PEAK1: variants seen among roughly 807,000 people sequenced by gnomAD.
PEAK1 encodes the protein pseudopodium enriched atypical kinase 1.
A neutral mutation model predicts 124.7 loss-of-function variants in PEAK1; 54 were observed. The ratio of observed to expected loss-of-function variants is 0.43; its 90% confidence interval spans 0.35 to 0.54. PEAK1 has a LOEUF of 0.54. Ranked by LOEUF, PEAK1 falls within the 20% of genes least tolerant of loss-of-function variation. The probability of loss-of-function intolerance (pLI) is 0.01; values close to 1 mark genes in which losing one functional copy is unlikely to be tolerated. For synonymous variants in PEAK1, 719 were observed against 760.0 expected (o/e 0.95, Z 0.89); for missense variants, 2,046 against 2,134.5 (o/e 0.96, Z 0.82).
At chr15:77,258,380 G>A (rs1241566373) in intron 5 of PEAK1, among the ~76,000 whole-genome samples, 2 of 152,100 alleles carry the variant, frequency 1.3e-5, no homozygotes, top group African/African-American at 4.8e-5. Flanking sequence ...TCTTCCATTT[G>A]TTGGTATCCT....
At chr15:77,367,976 T>C (rs2068367904) in intron 1 of PEAK1, among the ~76,000 whole-genome samples, 1 of 152,170 alleles carries the variant, frequency 6.6e-6, no homozygotes, top group Non-Finnish European at 1.5e-5. Context: ...GTAAACCACA[T>C]CTGTTTATAA....
At chr15:77,163,680 T>C (rs56060493) in intron 7 of PEAK1, among the ~76,000 whole-genome samples, 44,908 of 152,030 alleles carry the variant, frequency 0.3, 7,229 homozygotes, top group Middle Eastern at 0.39. Flanking sequence ...TTCAATCCTA[T>C]CTTCAAATTC....
chr15:77,235,737 T>A (rs1320447629), intron 6 of PEAK1, among the ~76,000 whole-genome samples: 1 of 152,166 alleles, frequency 6.6e-6, no homozygotes, highest in African/African-American at 2.4e-5. Flanking sequence ...AGGCAGCCCC[T>A]CTCATCACAG....
intron 7 of PEAK1, among the ~76,000 whole-genome samples, chr15:77,175,753 G>A (rs541794039): frequency 9.9e-5 from 15 of 152,228 alleles, no homozygotes; most frequent in African/African-American, 3.6e-4. Context: ...CCATTACTGG[G>A]TATATACCCA....
intron 6 of PEAK1, among the ~76,000 whole-genome samples, chr15:77,193,641 T>C (rs145341127): frequency 6.6e-6 from 1 of 152,262 alleles, no homozygotes; most frequent in African/African-American, 2.4e-5. Context: ...CCGTCTCTAC[T>C]AAAAATACAA....
chr15:77,375,932 G>A (rs1400192004), intron 1 of PEAK1, among the ~76,000 whole-genome samples: 2 of 151,958 alleles, frequency 1.3e-5, no homozygotes, highest in African/African-American at 4.8e-5. Context: ...CCGGGAGGCG[G>A]AGCCTGCAGT....
chr15:77,340,672 A>C (rs778828125), intron 2 of PEAK1, among the ~76,000 whole-genome samples: 4 of 152,232 alleles, frequency 2.6e-5, no homozygotes, highest in Non-Finnish European at 5.9e-5. Flanking sequence ...TTGGTTCATT[A>C]ATTGAATGTA....
chr15:77,115,572 G>A (rs1034196993), intron 9 of PEAK1, among the ~76,000 whole-genome samples: 6 of 152,100 alleles, frequency 3.9e-5, no homozygotes, highest in African/African-American at 7.2e-5. Flanking sequence ...ACAGTAGATT[G>A]AGGATCTAAG....
At chr15:77,340,076 T>A (rs1421097084) in intron 2 of PEAK1, among the ~76,000 whole-genome samples, 4 of 152,202 alleles carry the variant, frequency 2.6e-5, no homozygotes. Context: ...AGAAGATAGT[T>A]TGGCAACTTC....
chr15:77,297,673 C>T (rs564088636), intron 2 of PEAK1, among the ~76,000 whole-genome samples: 5 of 138,606 alleles, frequency 3.6e-5, no homozygotes, highest in Non-Finnish European at 6.2e-5. Flanking sequence ...GCAGGAGAAT[C>T]GTGTGAATCC....
At position 77,114,313 on chromosome 15, in the gene PEAK1, A is replaced by T; in HGVS notation, c.5084T>A (p.Leu1695Gln). Reference protein sequence around the residue: ...VQRNTLLQNWLDIKRTLLMIK... With the variant: ...VQRNTLLQNWQDIKRTLLMIK... ...CATGAGCAGTGTTCGCTTGATGTCT[A>T]GCCAGTTTTGGAGCAGGGTGTTCCT... The change falls in exon 10 of 10, where the codon CTA becomes CAA. Residue 1695 changes from leucine (L) to glutamine (Q), a missense_variant. Transcript: ENST00000682557. 6.2e-7 allele frequency: 1 copy of T among 1,614,208 alleles called. No homozygotes were observed. Among genetic ancestry groups the T allele is most frequent in the South Asian group, 1.1e-5 (1 of 91,078 alleles).
At chr15:77,106,352 TAA>T (rs1410073790), downstream of PEAK1, 2 of 150,394 alleles carry the variant, frequency 1.3e-5, no homozygotes, top group Non-Finnish European at 3.0e-5. Flanking sequence ...TCTAAAGACA[TAA>T]GTGACTATTT....
chr15:77,322,281 A>G lies in PEAK1; in HGVS notation c.-602-35777T>C, dbSNP rs544357834. Reference sequence around the variant, plus strand: ...GAAGGCAAGAAATAACTAAGATCAGAGCAGAACTGAAGGAAATAGAGACAC... The same window carrying G: ...GAAGGCAAGAAATAACTAAGATCAGGGCAGAACTGAAGGAAATAGAGACAC... On this transcript the variant is annotated intron_variant, in intron 2 of 9. Transcript: ENST00000682557. Among the ~76,000 whole-genome samples, 1,357 of 152,342 alleles carry G rather than the reference A, an allele frequency of 8.9e-3. 6 individuals carry two copies. The highest frequency in any genetic ancestry group is 0.012 in the Non-Finnish European group (797 of 68,036).
intron 1 of PEAK1, among the ~76,000 whole-genome samples, chr15:77,401,343 T>C (rs2071360699): frequency 6.6e-6 from 1 of 152,214 alleles, no homozygotes; most frequent in African/African-American, 2.4e-5. Flanking sequence ...TTTCCTTTCC[T>C]GATAGATGTC....
At chr15:77,364,291 TTAAA>T (rs1432568000) in intron 2 of PEAK1, among the ~76,000 whole-genome samples, 1 of 152,186 alleles carries the variant, frequency 6.6e-6, no homozygotes, top group Non-Finnish European at 1.5e-5. Context: ...ATTTTACACT[TTAAA>T]TGGGTGGAAT....
chr15:77,192,214 G>A (rs1234916313), intron 6 of PEAK1, among the ~76,000 whole-genome samples: 1 of 152,192 alleles, frequency 6.6e-6, no homozygotes, highest in African/African-American at 2.4e-5. Flanking sequence ...AGGTGGATGA[G>A]AGAGAAAATG....
chr15:77,348,628 G>A (rs2067014999), intron 2 of PEAK1: 1 of 982,592 alleles, frequency 1.0e-6, no homozygotes, highest in Non-Finnish European at 1.2e-6. Flanking sequence ...TCCTAAATGT[G>A]GTATACATTT....
Position 77,186,171 on chromosome 15 carries a change from A to T in PEAK1, c.-114-4131T>A, listed in dbSNP as rs1185756186. ...CTGTCAGTCACCAAGAATTTAAATT[A>T]AAAAATTCCCTGTGTACTTAGCACT... On this transcript the variant is annotated intron_variant, in intron 6 of 9. Coordinates refer to ENST00000682557, the MANE Select transcript of PEAK1 (RefSeq NM_001385026.1). Among the ~76,000 whole-genome samples the T allele has an allele frequency of 2.0e-5, 3 of 152,204 alleles. 1 individual carries two copies. Among genetic ancestry groups the T allele is most frequent in the South Asian group, 2.1e-4 (1 of 4,832 alleles).
In PEAK1 at chr15:77,181,047, T is replaced by G. The variant is rs775601539; in HGVS notation, c.880A>C (p.Ile294Leu). ...TGCAGAGACTTGTTTCGCAGGGGGA[T>G]GGTATTCCATTTTTTGTCCACAAAG... ...RFFVDKKWNT[I>L]PLRNKSLQRI... The change falls in exon 7 of 10, where the codon ATC becomes CTC. Residue 294 changes from isoleucine (I) to leucine (L), a missense_variant. Ile to Leu is a conservative substitution (Grantham distance 5, BLOSUM62 2). Coordinates refer to ENST00000682557, the MANE Select transcript of PEAK1 (RefSeq NM_001385026.1). The G allele has an allele frequency of 6.2e-7, 1 of 1,614,072 alleles. No homozygotes were observed. The highest frequency in any genetic ancestry group is 1.3e-5 in the African/African-American group (1 of 74,946).
Sources: allele counts gnomAD v4.1 joint callset (sites outside exome capture counted in the v4.1 genomes callset), GRCh38; gene constraint gnomAD v4.1.1; transcripts MANE v1.5; gene names NCBI Gene and HGNC (gene_info 2026-07-23, HGNC 2026-07-21).